STYK1: variants seen among roughly 807,000 people sequenced by gnomAD.
STYK1 encodes tyrosine-protein kinase STYK1.
STYK1 carries 46 observed loss-of-function variants against 48.1 expected under a neutral mutation model. That is an observed-to-expected ratio of 0.96 (90% CI 0.75 to 1.22). The LOEUF is 1.22. STYK1 is among the 50% of genes most tolerant of loss of function. The pLI, the probability that STYK1 is intolerant of heterozygous loss-of-function variation, is 0.00. For synonymous variants in STYK1, 188 were observed against 189.0 expected (o/e 0.99, Z 0.04); for missense variants, 527 against 521.1 (o/e 1.01, Z -0.11).
chr12:10,644,623 A>AT (rs1947580107), intron 1 of STYK1, among the ~76,000 whole-genome samples: 1 of 152,172 alleles, frequency 6.6e-6, no homozygotes, highest in Admixed American at 6.5e-5. Context: ...TTTCATAATC[A>AT]TTTTTTGGAT....
chr12:10,626,779 C>T (rs897839475), intron 7 of STYK1, among the ~76,000 whole-genome samples: 10 of 152,000 alleles, frequency 6.6e-5, no homozygotes, highest in Non-Finnish European at 8.8e-5. Context: ...GGCCGAGGCG[C>T]GCGGATCACG....
At chr12:10,628,311 T>G (rs1203098821) in intron 6 of STYK1, among the ~76,000 whole-genome samples, 1 of 152,078 alleles carries the variant, frequency 6.6e-6, no homozygotes, top group Admixed American at 6.5e-5. Context: ...GTTGATTGAG[T>G]TGCAGGGACA....
Position 10,674,020 on chromosome 12 carries a change from G to A in STYK1, c.-249C>T, listed in dbSNP as rs1374232957. 3.9e-5 allele frequency: 6 copies of A among 152,288 alleles called. No individual in the cohort carries two copies. The highest frequency in any genetic ancestry group is 7.2e-5 in the African/African-American group (3 of 41,442). The allele number at this position is 152,288 out of a possible 1,614,324, so 9.4% of individuals were successfully genotyped here. A position where few individuals can be genotyped will look rare whatever the true frequency, so the allele number is the denominator to read the frequency against. ...CGATGGCACCGGCCCAGTCGGAGGGGAAATAATGACAGGGTTGGGTAGGGC... is the reference window on the plus strand; with the variant it reads ...CGATGGCACCGGCCCAGTCGGAGGGAAAATAATGACAGGGTTGGGTAGGGC... On this transcript the variant is annotated 5_prime_UTR_variant, in exon 1 of 11. Coordinates refer to ENST00000075503, the MANE Select transcript of STYK1 (RefSeq NM_018423.3).
At chr12:10,629,419 CACTA>C in intron 6 of STYK1, 70 bp downstream of exon 6, 2 of 1,479,716 alleles carry the variant, frequency 1.4e-6, no homozygotes, top group Non-Finnish European at 1.9e-6. Flanking sequence ...TCATTTGTCA[CACTA>C]ACTGACATGT....
chr12:10,655,474 C>CTACTACACAAAGCTTAGTAG (rs2120761947), intron 1 of STYK1, among the ~76,000 whole-genome samples: 2 of 152,306 alleles, frequency 1.3e-5, no homozygotes, highest in South Asian at 4.1e-4. Flanking sequence ...TAAGGCTTTG[C>CTACTACACAAAGCTTAGTAG]CTTTTCACAA....
At chr12:10,670,059 C>T (rs895832963) in intron 1 of STYK1, among the ~76,000 whole-genome samples, 2 of 152,164 alleles carry the variant, frequency 1.3e-5, no homozygotes, top group African/African-American at 4.8e-5. Context: ...GTTAGGGAAA[C>T]AGTATGAAAG....
intron 2 of STYK1, among the ~76,000 whole-genome samples, chr12:10,635,904 A>G (rs1018794306): frequency 1.3e-5 from 2 of 152,198 alleles, no homozygotes; most frequent in African/African-American, 4.8e-5. Flanking sequence ...AGACACTCCC[A>G]TGGTTCTATA....
chr12:10,653,064 A>G (rs920392535), intron 1 of STYK1, among the ~76,000 whole-genome samples: 8 of 151,918 alleles, frequency 5.3e-5, no homozygotes. Context: ...GTCAATTAAC[A>G]TATCTTTTCT....
At chr12:10,646,625 A>T (rs1947602537) in intron 1 of STYK1, among the ~76,000 whole-genome samples, 1 of 152,230 alleles carries the variant, frequency 6.6e-6, no homozygotes, top group Non-Finnish European at 1.5e-5. Context: ...CAGCTGCAGA[A>T]ATTTGCATAA....
At position 10,672,670 on chromosome 12, in the gene STYK1, G is replaced by T. The variant is rs565508477; in HGVS notation, c.-195+1296C>A. 1.3e-5 allele frequency among the ~76,000 whole-genome samples: 2 copies of T among 152,240 alleles called. No individual in the cohort carries two copies. Among genetic ancestry groups the T allele is most frequent in the Non-Finnish European group, 2.9e-5 (2 of 68,010 alleles). On this transcript the variant is annotated intron_variant, in intron 1 of 10. Coordinates refer to ENST00000075503, the MANE Select transcript of STYK1 (RefSeq NM_018423.3). The surrounding 1 kb of genome is among the most constrained non-coding windows in gnomAD (Gnocchi z 4.0). The stretch of plus-strand genomic sequence containing the variant: ...CAGTTTCATTCTGAAACCATCTCCC[G>T]CCAACCTCATCGGCATCTGTGAAAA...
At chr12:10,638,760 T>C (rs1313318346) in intron 1 of STYK1, among the ~76,000 whole-genome samples, 2 of 152,198 alleles carry the variant, frequency 1.3e-5, no homozygotes, top group East Asian at 3.8e-4. Context: ...ACTTCTAAAA[T>C]CAGATTTCCT....
chr12:10,622,612 C>T, intron 9 of STYK1, 26 bp downstream of exon 9: 2 of 1,613,624 alleles, frequency 1.2e-6, no homozygotes, highest in Non-Finnish European at 8.5e-7. Context: ...CATACAGGTA[C>T]ACACTATTTT....
intron 1 of STYK1, among the ~76,000 whole-genome samples, chr12:10,657,260 C>T (rs1947729473): frequency 6.6e-6 from 1 of 152,180 alleles, no homozygotes; most frequent in Non-Finnish European, 1.5e-5. Flanking sequence ...CCTCAAAGGG[C>T]TCCTCCCTGA....
At chr12:10,651,381 A>G (rs557945467) in intron 1 of STYK1, among the ~76,000 whole-genome samples, 53 of 152,222 alleles carry the variant, frequency 3.5e-4, no homozygotes, top group African/African-American at 1.2e-3. Flanking sequence ...CACCTCTCCT[A>G]CTGTTATAAT....
chr12:10,652,671 G>A (rs371114607), intron 1 of STYK1, among the ~76,000 whole-genome samples: 94 of 152,236 alleles, frequency 6.2e-4, no homozygotes, highest in African/African-American at 2.2e-3. Flanking sequence ...ACTCAAGGCC[G>A]TATCATTTGT....
intron 1 of STYK1, among the ~76,000 whole-genome samples, chr12:10,660,011 G>T (rs1253367859): frequency 6.6e-6 from 1 of 152,150 alleles, no homozygotes; most frequent in Non-Finnish European, 1.5e-5. Flanking sequence ...GAAACAAGAT[G>T]GATGGGTAAT....
chr12:10,633,090 T>C (rs926575908), intron 4 of STYK1, among the ~76,000 whole-genome samples: 28 of 152,224 alleles, frequency 1.8e-4, no homozygotes, highest in South Asian at 6.2e-4. Flanking sequence ...CTAAAAATTA[T>C]AGCATTTAGG....
intron 1 of STYK1, among the ~76,000 whole-genome samples, chr12:10,648,684 C>T (rs1203299524): frequency 6.6e-6 from 1 of 151,822 alleles, no homozygotes; most frequent in African/African-American, 2.4e-5. Flanking sequence ...GGCTAGAGTG[C>T]AGTGATGTGA....
intron 5 of STYK1, 94 bp from the exon 6 acceptor site, chr12:10,629,768 C>G (rs1947401943): frequency 7.0e-7 from 1 of 1,426,638 alleles, no homozygotes; most frequent in African/African-American, 1.4e-5. Flanking sequence ...TGTTAATTCT[C>G]AAGGCCCCAC....
Sources: allele counts gnomAD v4.1 joint callset (sites outside exome capture counted in the v4.1 genomes callset), GRCh38; gene constraint gnomAD v4.1.1; non-coding constraint Gnocchi (gnomAD v3.1); transcripts MANE v1.5; gene names NCBI Gene and HGNC (gene_info 2026-07-23, HGNC 2026-07-21).